The following CHRM2 variants were observed in gnomAD, a reference collection of about 807,000 sequenced individuals.
CHRM2 encodes the protein cholinergic receptor muscarinic 2.
CHRM2 carries 8 observed loss-of-function variants against 25.0 expected under a neutral mutation model. The ratio of observed to expected loss-of-function variants is 0.32; its 90% CI spans 0.19 to 0.58. CHRM2 has a LOEUF of 0.58. CHRM2 is among the 20% of genes least tolerant of loss of function. CHRM2 has a pLI of 0.88. For synonymous variants in CHRM2, 202 were observed against 205.7 expected, an observed-to-expected ratio of 0.98 and a Z score of 0.15; for missense variants, 440 against 567.1, an observed-to-expected ratio of 0.78 and a Z score of 2.28.
intron 3 of CHRM2, among the ~76,000 whole-genome samples, chr7:136,992,572 T>A (rs533762763): frequency 1.2e-3 from 185 of 152,268 alleles, no homozygotes; most frequent in African/African-American, 3.8e-3. Flanking sequence ...CGTGACTTAA[T>A]ACATCAAAAT....
chr7:136,920,808 A>T (rs574411974), intron 2 of CHRM2, among the ~76,000 whole-genome samples: 3 of 152,168 alleles, frequency 2.0e-5, no homozygotes, highest in Non-Finnish European at 2.9e-5. Context: ...TCCTCTTCAA[A>T]TTCTTCATCA....
intron 3 of CHRM2, among the ~76,000 whole-genome samples, chr7:137,000,937 G>A (rs1372648960): frequency 6.6e-6 from 1 of 152,088 alleles, no homozygotes; most frequent in Non-Finnish European, 1.5e-5. Context: ...GGTTTGTTTT[G>A]TTTGAGAAGG....
At chr7:136,987,678 C>T (rs74928665) in intron 2 of CHRM2, among the ~76,000 whole-genome samples, 2,123 of 152,246 alleles carry the variant, frequency 0.014, 39 homozygotes, top group African/African-American at 0.049. Flanking sequence ...GTGAACTATA[C>T]GGAGGCAAGG....
At chr7:136,932,664 T>G (rs1331613939) in intron 2 of CHRM2, among the ~76,000 whole-genome samples, 1 of 152,336 alleles carries the variant, frequency 6.6e-6, no homozygotes, top group Admixed American at 6.5e-5. Context: ...AAAATTATAT[T>G]AATAAAGAGG....
chr7:136,940,823 A>C (rs1563079412), intron 2 of CHRM2, among the ~76,000 whole-genome samples: 1 of 152,232 alleles, frequency 6.6e-6, no homozygotes, highest in Non-Finnish European at 1.5e-5. Flanking sequence ...AACACAACCA[A>C]TTAAGTATAG....
chr7:136,985,504 C>CAAAAAAAAAAAAAAAAAA (rs974105875), intron 2 of CHRM2, among the ~76,000 whole-genome samples: 1 of 59,754 alleles, frequency 1.7e-5, no homozygotes, highest in Non-Finnish European at 2.8e-5. Context: ...AGTTAGACTC[C>CAAAAAAAAAAAAAAAAAA]AAAAAAAAAA....
chr7:136,916,938 C>T (rs1249797897), intron 2 of CHRM2, among the ~76,000 whole-genome samples: 1 of 151,474 alleles, frequency 6.6e-6, no homozygotes, highest in Non-Finnish European at 1.5e-5. Context: ...TGTTTTAATT[C>T]AGTTTCACAA....
intron 2 of CHRM2, among the ~76,000 whole-genome samples, chr7:136,882,667 A>G (rs1796310868): frequency 6.6e-6 from 1 of 152,106 alleles, no homozygotes; most frequent in East Asian, 1.9e-4. Context: ...TTTCTTTGAA[A>G]ATAAAACTTC....
rs1249636932 is a variant in CHRM2 at position 137,015,489 on chromosome 7, C to T, written c.624C>T (p.His208=). 1 of 1,613,226 alleles carries T rather than the reference C, an allele frequency of 6.2e-7. No homozygotes were observed. Among genetic ancestry groups the T allele is most frequent in the Non-Finnish European group, 8.5e-7 (1 of 1,179,622 alleles). ...TCATCATGACTGTGCTATATTGGCA[C>T]ATATCCCGAGCCAGCAAGAGCAGGA... ...PVIIMTVLYW[H]ISRASKSRIK... The change falls in exon 4 of 4, where the codon CAC becomes CAT. Residue 208 remains histidine, a synonymous_variant. Transcript: ENST00000680005. The surrounding 1 kb of genome is among the most constrained non-coding windows in gnomAD (Gnocchi z 5.1).
At chr7:136,934,471 C>T (rs1274330142) in intron 2 of CHRM2, among the ~76,000 whole-genome samples, 2 of 152,104 alleles carry the variant, frequency 1.3e-5, no homozygotes, top group Non-Finnish European at 1.5e-5. Context: ...ACTCTTCCAT[C>T]ATCTAATCAT....
chr7:136,974,005 T>C (rs1049521031), intron 2 of CHRM2, among the ~76,000 whole-genome samples: 3 of 152,188 alleles, frequency 2.0e-5, no homozygotes, highest in African/African-American at 7.2e-5. Flanking sequence ...TAGAACATTT[T>C]GTAATATTGT....
At chr7:136,924,422 T>TGGA (rs1798622600) in intron 2 of CHRM2, among the ~76,000 whole-genome samples, 1 of 145,354 alleles carries the variant, frequency 6.9e-6, no homozygotes, top group Non-Finnish European at 1.5e-5. Flanking sequence ...CCAAGTGTTC[T>TGGA]CATTGTTCAA....
At chr7:136,900,111 T>A (rs1040666593) in intron 2 of CHRM2, among the ~76,000 whole-genome samples, 5 of 151,972 alleles carry the variant, frequency 3.3e-5, no homozygotes, top group African/African-American at 1.2e-4. Flanking sequence ...TTTGCATGAA[T>A]TAAAAGGAGA....
At chr7:136,950,964 G>T (rs1039311757) in intron 2 of CHRM2, 1 of 152,328 alleles carries the variant, frequency 6.6e-6, no homozygotes, top group Non-Finnish European at 1.5e-5. Context: ...ATGCCACCAT[G>T]TCCGGCTAAT....
At chr7:136,994,801 T>C (rs1225178875) in intron 3 of CHRM2, among the ~76,000 whole-genome samples, 1 of 152,000 alleles carries the variant, frequency 6.6e-6, no homozygotes, top group Non-Finnish European at 1.5e-5. Flanking sequence ...ATTTGATAAA[T>C]ACTAACTTAT....
chr7:136,959,430 C>A (rs980904438), intron 2 of CHRM2, among the ~76,000 whole-genome samples: 1 of 152,082 alleles, frequency 6.6e-6, no homozygotes, highest in African/African-American at 2.4e-5. Context: ...ATTGTAGATC[C>A]ATTAGGCCCA....
At chr7:136,975,518 A>G (rs1356997360) in intron 2 of CHRM2, among the ~76,000 whole-genome samples, 1 of 152,202 alleles carries the variant, frequency 6.6e-6, no homozygotes, top group Non-Finnish European at 1.5e-5. Flanking sequence ...ATAAGATTTT[A>G]CTTTTTAGGT....
chr7:136,957,001 C>T (rs1800763769), intron 2 of CHRM2, among the ~76,000 whole-genome samples: 1 of 152,078 alleles, frequency 6.6e-6, no homozygotes, highest in Admixed American at 6.5e-5. Flanking sequence ...GGCGGGACTC[C>T]CCCTACTCCA....
intron 3 of CHRM2, among the ~76,000 whole-genome samples, chr7:137,001,961 C>T (rs757035627): frequency 5.3e-5 from 8 of 152,004 alleles, no homozygotes; most frequent in Admixed American, 1.3e-4. Flanking sequence ...ATCCTACACT[C>T]GCTGAACATA....
Sources: allele counts gnomAD v4.1 joint callset (sites outside exome capture counted in the v4.1 genomes callset), GRCh38; gene constraint gnomAD v4.1.1; non-coding constraint Gnocchi (gnomAD v3.1); transcripts MANE v1.5; gene names NCBI Gene and HGNC (gene_info 2026-07-23, HGNC 2026-07-21).